Variants in CDC42SE2 observed in about 807,000 individuals in gnomAD.
CDC42SE2 encodes CDC42 small effector protein 2.
In CDC42SE2, 3 loss-of-function variants were observed where a neutral mutation model predicts 11.5. That is an observed-to-expected ratio of 0.26 (90% CI 0.12 to 0.67). The LOEUF (loss-of-function observed/expected upper bound fraction) is 0.67. CDC42SE2 is among the 30% of genes least tolerant of loss of function. CDC42SE2 has a pLI of 0.80. For missense variants in CDC42SE2, 82 were observed against 106.8 expected (o/e 0.77, Z 1.02); for synonymous variants, 33 against 34.8 (o/e 0.95, Z 0.18).
At chr5:131,253,194 C>G (rs1756654863) in intron 1 of CDC42SE2, 1 of 152,290 alleles carries the variant, frequency 6.6e-6, no homozygotes, top group South Asian at 2.1e-4. Flanking sequence ...GAGAAGCAGC[C>G]AAAAGCTGTT....
intron 1 of CDC42SE2, among the ~76,000 whole-genome samples, chr5:131,313,153 T>G (rs1250645703): frequency 3.3e-5 from 5 of 152,010 alleles, no homozygotes. Flanking sequence ...CGGCTGATTT[T>G]TTGTATTTTT....
At chr5:131,373,424 A>C (rs1284692424) in intron 3 of CDC42SE2, among the ~76,000 whole-genome samples, 1 of 152,170 alleles carries the variant, frequency 6.6e-6, no homozygotes, top group Non-Finnish European at 1.5e-5. Flanking sequence ...TCATCTTAGA[A>C]TGCCTGCAGC....
At chr5:131,336,875 AT>A (rs1302265431) in intron 2 of CDC42SE2, among the ~76,000 whole-genome samples, 1 of 152,002 alleles carries the variant, frequency 6.6e-6, no homozygotes, top group East Asian at 1.9e-4. Flanking sequence ...CATTCATCTA[AT>A]TTTTTTCAAA....
chr5:131,239,880 T>C, the CDC42SE2 span, among the ~76,000 whole-genome samples: 6 of 152,216 alleles, frequency 3.9e-5, no homozygotes, highest in African/African-American at 1.4e-4. Context: ...TCTGACAGTT[T>C]TTCTATTCCT....
At chr5:131,350,562 A>G (rs1758981332) in intron 2 of CDC42SE2, among the ~76,000 whole-genome samples, 1 of 151,932 alleles carries the variant, frequency 6.6e-6, no homozygotes, top group Admixed American at 6.6e-5. Context: ...ACGCCCTGAT[A>G]TGAACGGTAT....
At chr5:131,321,072 A>G (rs1202272676) in intron 2 of CDC42SE2, among the ~76,000 whole-genome samples, 1 of 152,226 alleles carries the variant, frequency 6.6e-6, no homozygotes, top group Non-Finnish European at 1.5e-5. Context: ...AAGTTGGCAC[A>G]TTCCTTTAGG....
At chr5:131,338,141 T>C (rs1033115243) in intron 2 of CDC42SE2, among the ~76,000 whole-genome samples, 1 of 152,256 alleles carries the variant, frequency 6.6e-6, no homozygotes, top group African/African-American at 2.4e-5. Context: ...ATTTAGTAAC[T>C]GTGTTATATA....
chr5:131,222,307 T>G, the CDC42SE2 span, among the ~76,000 whole-genome samples: 3 of 152,222 alleles, frequency 2.0e-5, no homozygotes, highest in Non-Finnish European at 2.9e-5. Flanking sequence ...CTGAGATAGA[T>G]TTTTATATAC....
chr5:131,283,640 T>C (rs1757284683), intron 1 of CDC42SE2, among the ~76,000 whole-genome samples: 1 of 151,960 alleles, frequency 6.6e-6, no homozygotes, highest in Non-Finnish European at 1.5e-5. Flanking sequence ...ATTGCAGGCC[T>C]GTGCCACCAT....
chr5:131,305,405 T>C (rs563023888), intron 1 of CDC42SE2, among the ~76,000 whole-genome samples: 9 of 152,196 alleles, frequency 5.9e-5, no homozygotes, highest in Non-Finnish European at 1.3e-4. Flanking sequence ...GGGCAGTAAG[T>C]ATAGACAGAA....
the CDC42SE2 span, among the ~76,000 whole-genome samples, chr5:131,224,622 T>C: frequency 6.6e-6 from 1 of 152,080 alleles, no homozygotes; most frequent in Non-Finnish European, 1.5e-5. Context: ...TTAAACTCCA[T>C]AGTCCATTCT....
chr5:131,385,268 A>C (rs1027822382), intron 3 of CDC42SE2, among the ~76,000 whole-genome samples: 3 of 152,230 alleles, frequency 2.0e-5, no homozygotes, highest in African/African-American at 7.2e-5. Context: ...TTTTAAAAAG[A>C]ATAAAACTTA....
intron 2 of CDC42SE2, among the ~76,000 whole-genome samples, chr5:131,340,877 A>G (rs946781965): frequency 6.6e-6 from 1 of 151,944 alleles, no homozygotes; most frequent in African/African-American, 2.4e-5. Flanking sequence ...GGGTTTGACC[A>G]TGTTGGCCAG....
At chr5:131,280,507 T>C (rs1757216986) in intron 1 of CDC42SE2, among the ~76,000 whole-genome samples, 1 of 152,204 alleles carries the variant, frequency 6.6e-6, no homozygotes, top group South Asian at 2.1e-4. Context: ...AGGATAAAGC[T>C]GTAGGTAAAG....
At position 131,302,218 on chromosome 5, in the gene CDC42SE2, T is replaced by G. The variant is rs1158391579; in HGVS notation, c.-454-13758T>G. On this transcript the variant is annotated intron_variant, in intron 1 of 4. Coordinates refer to ENST00000505065, the MANE Select transcript of CDC42SE2 (RefSeq NM_001375635.1). ...TTTTGAGACGGAGTTTTGCTTTTGT[T>G]GCCCAGGCTGGAGTGCAATGGTGCG... 4.0e-5 allele frequency among the ~76,000 whole-genome samples: 6 copies of G among 151,872 alleles called. No homozygotes were observed. The South Asian group carries it at 8.3e-4, about 21-fold the overall frequency.
intron 1 of CDC42SE2, among the ~76,000 whole-genome samples, chr5:131,246,592 A>G (rs1438395189): frequency 6.6e-6 from 1 of 151,984 alleles, no homozygotes; most frequent in Admixed American, 6.6e-5. Context: ...TCCATAATAG[A>G]GTTAGGTTAC....
At chr5:131,326,743 T>C (rs562022552) in intron 2 of CDC42SE2, among the ~76,000 whole-genome samples, 62 of 152,154 alleles carry the variant, frequency 4.1e-4, no homozygotes, top group Non-Finnish European at 7.4e-4. Context: ...TCCTTCTTGA[T>C]ATTTTTTACC....
At chr5:131,308,202 A>G (rs1757820365) in intron 1 of CDC42SE2, among the ~76,000 whole-genome samples, 1 of 152,160 alleles carries the variant, frequency 6.6e-6, no homozygotes, top group Non-Finnish European at 1.5e-5. Flanking sequence ...TAAATAGGGA[A>G]TCCTTTCCCC....
chr5:131,216,756 T>C, the CDC42SE2 span, among the ~76,000 whole-genome samples: 1 of 152,116 alleles, frequency 6.6e-6, no homozygotes, highest in South Asian at 2.1e-4. Flanking sequence ...TAAAATGACC[T>C]GGGTGTGGGG....
Sources: allele counts gnomAD v4.1 joint callset (sites outside exome capture counted in the v4.1 genomes callset), GRCh38; gene constraint gnomAD v4.1.1; transcripts MANE v1.5; gene names NCBI Gene and HGNC (gene_info 2026-07-23, HGNC 2026-07-21).